WDR19: variants seen among roughly 807,000 people sequenced by gnomAD.
WDR19 encodes WD repeat domain 19.
WDR19 carries 121 observed loss-of-function variants against 180.0 expected under a neutral mutation model. The ratio of observed to expected loss-of-function variants is 0.67; its 90% CI spans 0.58 to 0.78. The LOEUF (loss-of-function observed/expected upper bound fraction) is 0.78, where lower values mean the gene tolerates loss of function less well. Among genes scored for constraint, WDR19 ranks in the 30% least tolerant of loss-of-function variants. WDR19 has a pLI of 0.00. For missense variants in WDR19, 1,450 were observed against 1,640.7 expected, an observed-to-expected ratio of 0.88 and a Z score of 2.01; for synonymous variants, 497 against 540.7, an observed-to-expected ratio of 0.92 and a Z score of 1.12.
intron 36 of WDR19, among the ~76,000 whole-genome samples, chr4:39,284,645 T>TAAAA (rs144371093): frequency 1.5e-5 from 2 of 132,164 alleles, no homozygotes; most frequent in African/African-American, 2.7e-5. Context: ...CCTGGCTTTC[T>TAAAA]AAAAAAAAAA....
intron 3 of WDR19, 90 bp downstream of exon 3, chr4:39,186,694 A>AAGAAGCAAAAGATTCC: frequency 1.1e-6 from 1 of 874,048 alleles, no homozygotes. Context: ...AATCAGATGG[A>AAGAAGCAAAAGATTCC]ATCTTTTGCT....
Position 39,205,394 on chromosome 4 carries a change from T to C in WDR19, c.716+128T>C, listed in dbSNP as rs1727840962. On this transcript the variant is annotated intron_variant, in intron 8 of 36. Transcript: ENST00000399820. Reference sequence around the variant, plus strand: ...TCTATACGTCACATTTTCTGATTCATGGTCTGTGATTTAGTATGCAAAACT... The same window carrying C: ...TCTATACGTCACATTTTCTGATTCACGGTCTGTGATTTAGTATGCAAAACT... 13 of 1,182,340 alleles carry C rather than the reference T, an allele frequency of 1.1e-5. No homozygotes were observed. The South Asian group carries it at 2.0e-4, about 18-fold the overall frequency. The allele number at this position is 1,182,340 out of a possible 1,614,324, so 73.2% of individuals were successfully genotyped here.
chr4:39,275,856 A>G (rs1449403894), intron 33 of WDR19, among the ~76,000 whole-genome samples: 1 of 152,212 alleles, frequency 6.6e-6, no homozygotes, highest in African/African-American at 2.4e-5. Flanking sequence ...TCATATTCAC[A>G]GGGCCCACTG....
intron 28 of WDR19, among the ~76,000 whole-genome samples, chr4:39,264,174 G>A (rs573289210): frequency 6.6e-6 from 1 of 152,038 alleles, no homozygotes; most frequent in Admixed American, 6.5e-5. Context: ...TGCCCATATT[G>A]AGGCCCCAAG....
At chr4:39,229,256 G>A (rs975994136) in intron 17 of WDR19, among the ~76,000 whole-genome samples, 4 of 152,126 alleles carry the variant, frequency 2.6e-5, no homozygotes, top group Non-Finnish European at 5.9e-5. Flanking sequence ...GAATAGTGCT[G>A]CAGTAAACAT....
At chr4:39,271,537 C>T (rs1450223063) in intron 31 of WDR19, among the ~76,000 whole-genome samples, 1 of 152,096 alleles carries the variant, frequency 6.6e-6, no homozygotes, top group Non-Finnish European at 1.5e-5. Flanking sequence ...CCATGGCACT[C>T]CAGCCTGGGC....
chr4:39,241,933 ATT>A (rs11456597), intron 21 of WDR19, among the ~76,000 whole-genome samples: 3 of 145,370 alleles, frequency 2.1e-5, no homozygotes, highest in Admixed American at 6.8e-5. Context: ...TGTAATATGG[ATT>A]TTTTTTTTTT....
At chr4:39,202,250 A>G (rs1313807855) in intron 6 of WDR19, among the ~76,000 whole-genome samples, 2 of 152,074 alleles carry the variant, frequency 1.3e-5, no homozygotes, top group African/African-American at 4.8e-5. Context: ...ATTAGTTCAC[A>G]TATTCTTTCT....
At chr4:39,210,693 T>G (rs1728403842) in intron 9 of WDR19, among the ~76,000 whole-genome samples, 1 of 151,656 alleles carries the variant, frequency 6.6e-6, no homozygotes, top group South Asian at 2.1e-4. Context: ...ACAAAAAAAA[T>G]GTAATCATTC....
At chr4:39,249,032 C>T (rs1051938400) in intron 24 of WDR19, among the ~76,000 whole-genome samples, 1 of 152,286 alleles carries the variant, frequency 6.6e-6, no homozygotes, top group East Asian at 1.9e-4. Flanking sequence ...ACTCTCCACC[C>T]CAAATCAACA....
chr4:39,274,686 C>A, intron 32 of WDR19, 122 bp from the exon 33 acceptor site: 1 of 1,206,196 alleles, frequency 8.3e-7, no homozygotes, highest in Non-Finnish European at 1.2e-6. Flanking sequence ...TGGTTCTTTG[C>A]AGAAAAAGCA....
intron 14 of WDR19, chr4:39,218,443 G>C (rs1162296443): frequency 4.5e-6 from 1 of 222,488 alleles, no homozygotes; most frequent in Non-Finnish European, 8.9e-6. Context: ...GAATACTATA[G>C]GTAATTGTAA....
chr4:39,267,319 G>A (rs934133645), intron 29 of WDR19, among the ~76,000 whole-genome samples: 5 of 152,116 alleles, frequency 3.3e-5, no homozygotes, highest in Non-Finnish European at 7.4e-5. Context: ...GGAGAGGACC[G>A]TAGTGGTCCC....
intron 20 of WDR19, among the ~76,000 whole-genome samples, chr4:39,238,889 A>G (rs1490471311): frequency 6.6e-6 from 1 of 152,188 alleles, no homozygotes; most frequent in Non-Finnish European, 1.5e-5. Flanking sequence ...GATTCATTCT[A>G]TCCCAAACAA....
chr4:39,213,304 A>G (rs1465015045), intron 9 of WDR19, among the ~76,000 whole-genome samples: 1 of 152,216 alleles, frequency 6.6e-6, no homozygotes, highest in Non-Finnish European at 1.5e-5. Flanking sequence ...TAGCAACTTT[A>G]TTTGTAATAG....
chr4:39,274,957 A>G lies in WDR19; in HGVS notation c.3715A>G (p.Arg1239Gly), dbSNP rs1301129386. 6.2e-7 allele frequency: 1 copy of G among 1,614,000 alleles called. No homozygotes were observed. The highest frequency in any genetic ancestry group is 1.1e-5 in the South Asian group (1 of 91,082). The change falls in exon 33 of 37, where the codon AGG (arginine) becomes GGG (glycine). Residue 1239 changes from arginine to glycine, a missense_variant and splice_region_variant. By Grantham distance (125) the Arg-to-Gly change is moderately radical (BLOSUM62 -2). Coordinates refer to ENST00000399820, the MANE Select transcript of WDR19 (RefSeq NM_025132.4). The stretch of plus-strand genomic sequence containing the variant: ...CAAAAAGAAGATCGAGGGAATGGTC[A>G]GGTAGGCAGAGATGGCTATTTCTGC... Reference protein sequence around the residue: ...KYKKKIEGMVRRPDISEIEEA... With the variant: ...KYKKKIEGMVGRPDISEIEEA...
intron 14 of WDR19, among the ~76,000 whole-genome samples, chr4:39,221,333 A>T (rs1301328157): frequency 6.6e-6 from 1 of 152,194 alleles, no homozygotes; most frequent in Admixed American, 6.5e-5. Context: ...TGGAACTTAA[A>T]CTAAGATTTC....
At chr4:39,275,048 A>G in intron 33 of WDR19, 90 bp downstream of exon 33, 1 of 1,512,188 alleles carries the variant, frequency 6.6e-7, no homozygotes, top group Non-Finnish European at 9.0e-7. Flanking sequence ...TCAATAAGAA[A>G]ACGGTGGGGG....
intron 4 of WDR19, among the ~76,000 whole-genome samples, chr4:39,191,790 T>TTG (rs1726172960): frequency 6.6e-6 from 1 of 152,176 alleles, no homozygotes; most frequent in Non-Finnish European, 1.5e-5. Flanking sequence ...TGACCTTGAG[T>TTG]TGTCGTATTA....
Sources: allele counts gnomAD v4.1 joint callset (sites outside exome capture counted in the v4.1 genomes callset), GRCh38; gene constraint gnomAD v4.1.1; transcripts MANE v1.5; gene names NCBI Gene and HGNC (gene_info 2026-07-23, HGNC 2026-07-21).